The following SCARB1 variants were observed in gnomAD, a reference collection of about 807,000 sequenced individuals.
SCARB1 encodes CD36 and LIMPII analogous 1.
SCARB1 carries 30 observed loss-of-function variants against 57.2 expected under a neutral mutation model. The observed-to-expected ratio is 0.52, with a 90% CI of 0.39 to 0.71. The LOEUF is 0.71. Among genes scored for constraint, SCARB1 ranks in the 30% least tolerant of loss-of-function variants. SCARB1 has a pLI of 0.00. For missense variants in SCARB1, 543 were observed against 671.2 expected (o/e 0.81, Z 2.11); for synonymous variants, 249 against 268.3 (o/e 0.93, Z 0.70).
chr12:124,840,142 G>A (rs1398623466), intron 1 of SCARB1, among the ~76,000 whole-genome samples: 1 of 151,946 alleles, frequency 6.6e-6, no homozygotes, highest in Non-Finnish European at 1.5e-5. Context: ...AACGATGAGC[G>A]AGTGTCGCTG....
chr12:124,795,391 C>CT, intron 8 of SCARB1, 123 bp from the exon 9 acceptor site: 1 of 748,620 alleles, frequency 1.3e-6, no homozygotes, highest in Non-Finnish European at 2.4e-6. Context: ...GTGGAGCTTG[C>CT]TTGTATCTTA....
intron 11 of SCARB1, chr12:124,785,661 G>A (rs551312941): frequency 3.2e-4 from 60 of 186,904 alleles, no homozygotes; most frequent in African/African-American, 1.3e-3. Context: ...CACATGTATC[G>A]TACACACAGG....
rs1950367653 is a variant in SCARB1, at chr12:124,807,685, G to A, written c.1009+76C>T. ...ACAGAGGCCAGAGATTAAGCAGACA[G>A]CACTGGGCAGATAAACCCTCAGCTG... On this transcript the variant is annotated intron_variant, in intron 7 of 12. Transcript: ENST00000261693. This position sits in a 1 kb window ranked among gnomAD's most constrained non-coding sequence, Gnocchi z 5.3. 7.2e-7 allele frequency: 1 copy of A among 1,391,056 alleles called. No homozygotes were observed. Among genetic ancestry groups the A allele is most frequent in the Non-Finnish European group, 1.0e-6 (1 of 985,496 alleles). 86.2% of individuals were successfully genotyped at this position (1,391,056 alleles called of 1,614,324 possible).
rs1239713067 is a variant in SCARB1, at chr12:124,796,494, T to G, written c.1129-1226A>C. Among the ~76,000 whole-genome samples the G allele has an allele frequency of 6.6e-6, 1 of 151,988 alleles. No individual in the cohort carries two copies. The highest frequency in any genetic ancestry group is 1.5e-5 in the Non-Finnish European group (1 of 68,004). On this transcript the variant is annotated intron_variant, in intron 8 of 12. Transcript: ENST00000261693. The surrounding 1 kb of genome is among the most constrained non-coding windows in gnomAD (Gnocchi z 4.0). ...CCAGAATGAAGTCAGGAAATGATAG[T>G]GGAAATAAAACTAGATTTGAGGTCA...
intron 1 of SCARB1, among the ~76,000 whole-genome samples, chr12:124,848,248 T>C (rs1281476653): frequency 2.0e-5 from 3 of 152,158 alleles, no homozygotes; most frequent in Non-Finnish European, 4.4e-5. Flanking sequence ...CATGCCTGGC[T>C]AATTTTTTTA....
At position 124,795,223 on chromosome 12, in the gene SCARB1, G is replaced by T. The variant is rs755969350; in HGVS notation, c.1174C>A (p.Leu392Ile). The change falls in exon 9 of 13, where the codon CTC (leucine) becomes ATC (isoleucine). Residue 392 changes from leucine to isoleucine, a missense_variant. Coordinates refer to ENST00000261693, the MANE Select transcript of SCARB1 (RefSeq NM_005505.5). Reference sequence around the variant, plus strand: ...ATGCCTGCGACAGATTTCATGTAGAGGCTCAGCTGCAGTTTCACAGAGCAG... The same window carrying T: ...ATGCCTGCGACAGATTTCATGTAGATGCTCAGCTGCAGTTTCACAGAGCAG... The part of the protein sequence containing the change: ...MNCSVKLQLS[L>I]YMKSVAGIGQ... 16 of 1,614,008 alleles carry T rather than the reference G, an allele frequency of 9.9e-6. No individual in the cohort carries two copies. In the South Asian group the frequency reaches 1.1e-4, roughly 11 times the overall value.
At position 124,795,251 on chromosome 12, in the gene SCARB1, CATGGGGATTCCCGTG is replaced by C. The variant is rs1949902381; in HGVS notation, c.1131_1145del (p.Thr378_Met382del). On this transcript the variant is annotated inframe_deletion and splice_region_variant, in exon 9 of 13. Transcript: ENST00000261693. ...TCAGCTGCAGTTTCACAGAGCAGTTCATGGGGATTCCCGTGACCTGCGGCAACAAACACAGTGAGG... is the reference window on the plus strand; with the variant it reads ...TCAGCTGCAGTTTCACAGAGCAGTTCACCTGCGGCAACAAACACAGTGAGG... The C allele has an allele frequency of 1.2e-6, 2 of 1,613,830 alleles. No homozygotes were observed. The highest frequency in any genetic ancestry group is 1.3e-5 in the African/African-American group (1 of 74,910).
intron 1 of SCARB1, among the ~76,000 whole-genome samples, chr12:124,845,108 C>T (rs895763509): frequency 4.6e-5 from 7 of 151,988 alleles, no homozygotes; most frequent in Non-Finnish European, 8.8e-5. Flanking sequence ...GGCTGAAGAG[C>T]GAGAGGGGTG....
In SCARB1 at chr12:124,812,096, C is replaced by A. The variant is rs1825543885; in HGVS notation, c.631-131G>T. 2.7e-6 allele frequency: 2 copies of A among 729,748 alleles called. No individual in the cohort carries two copies. Among genetic ancestry groups the A allele is most frequent in the East Asian group, 2.8e-5 (1 of 36,350 alleles). 45.2% of individuals were successfully genotyped at this position (729,748 alleles called of 1,614,324 possible). Reference sequence around the variant, plus strand: ...AGGGCCCCCAGCATCTGGTTCACTGCCAAATGCCCAGTGTCTGGGGACCGA... The same window carrying A: ...AGGGCCCCCAGCATCTGGTTCACTGACAAATGCCCAGTGTCTGGGGACCGA... On this transcript the variant is annotated intron_variant, in intron 4 of 12. Coordinates refer to ENST00000261693, the MANE Select transcript of SCARB1 (RefSeq NM_005505.5). The surrounding 1 kb of genome is among the most constrained non-coding windows in gnomAD (Gnocchi z 4.3).
chr12:124,838,639 C>T (rs1951786478), intron 1 of SCARB1, among the ~76,000 whole-genome samples: 1 of 152,050 alleles, frequency 6.6e-6, no homozygotes, highest in South Asian at 2.1e-4. Context: ...CAGGCTGGGC[C>T]GTCTGGTCTA....
At position 124,812,815 on chromosome 12, in the gene SCARB1, G is replaced by A. The variant is rs528934889; in HGVS notation, c.631-850C>T. Among the ~76,000 whole-genome samples the A allele has an allele frequency of 1.3e-5, 2 of 152,242 alleles. No individual in the cohort carries two copies. Among genetic ancestry groups the A allele is most frequent in the African/African-American group, 2.4e-5 (1 of 41,524 alleles). ...GCACAAGGCCCCAGCCCAGCATCCC[G>A]GGTGTGTCTGTCACGTGCCCATGTG... On this transcript the variant is annotated intron_variant, in intron 4 of 12. Coordinates refer to ENST00000261693, the MANE Select transcript of SCARB1 (RefSeq NM_005505.5). The surrounding 1 kb of genome is among the most constrained non-coding windows in gnomAD (Gnocchi z 4.3).
Position 124,814,474 on chromosome 12 carries a change from G to T in SCARB1, c.427-69C>A, listed in dbSNP as rs1950627105. On this transcript the variant is annotated intron_variant, in intron 3 of 12. Coordinates refer to ENST00000261693, the MANE Select transcript of SCARB1 (RefSeq NM_005505.5). This position sits in a 1 kb window ranked among gnomAD's most constrained non-coding sequence, Gnocchi z 4.7. Reference sequence around the variant, plus strand: ...GGCCCATCCTCCCTTGGCCCCAGCTGGGCCTCACAGCAAAGAGCCCATGAA... The same window carrying T: ...GGCCCATCCTCCCTTGGCCCCAGCTTGGCCTCACAGCAAAGAGCCCATGAA... The T allele has an allele frequency of 6.6e-7, 1 of 1,514,792 alleles. No individual in the cohort carries two copies. Among genetic ancestry groups the T allele is most frequent in the South Asian group, 1.1e-5 (1 of 88,320 alleles). The allele number at this position is 1,514,792 out of a possible 1,614,324, so 93.8% of individuals were successfully genotyped here. A position where few individuals can be genotyped will look rare whatever the true frequency, so the allele number is the denominator to read the frequency against.
rs1442301527 is a variant in SCARB1, at chr12:124,817,126, ATGTGTGTATG to A, written c.284+414_284+423del. ...TGTGTATGTACGTGTGTATGTATGT[ATGTGTGTATG>A]TGTATGTGTATGTGTGTGTATGTAT... is the stretch of plus-strand genomic sequence containing the variant. On this transcript the variant is annotated intron_variant, in intron 2 of 12. Transcript: ENST00000261693. The surrounding 1 kb of genome is among the most constrained non-coding windows in gnomAD (Gnocchi z 4.8). 3.7e-5 allele frequency among the ~76,000 whole-genome samples: 4 copies of A among 108,408 alleles called. No homozygotes were observed. Among genetic ancestry groups the A allele is most frequent in the South Asian group, 2.9e-4 (1 of 3,414 alleles). The allele number at this position is 108,408 out of a possible 152,430, so 71.1% of individuals were successfully genotyped here.
chr12:124,839,124 C>A, intron 1 of SCARB1: 1 of 415,232 alleles, frequency 2.4e-6, no homozygotes. Flanking sequence ...AGGACATTTG[C>A]AATGTTGTGC....
intron 1 of SCARB1, among the ~76,000 whole-genome samples, chr12:124,853,881 C>A (rs1952527914): frequency 6.6e-6 from 1 of 152,208 alleles, no homozygotes; most frequent in African/African-American, 2.4e-5. Context: ...CTGCACAGGA[C>A]CACAACCTGC....
chr12:124,817,418 C>T lies in SCARB1; in HGVS notation c.284+132G>A, dbSNP rs531276665. The T allele has an allele frequency of 2.8e-5, 24 of 864,724 alleles. No homozygotes were observed. Among genetic ancestry groups the T allele is most frequent in the African/African-American group, 1.3e-4 (8 of 59,394 alleles). 53.6% of individuals were successfully genotyped at this position (864,724 alleles called of 1,614,324 possible). On this transcript the variant is annotated intron_variant, in intron 2 of 12. Coordinates refer to ENST00000261693, the MANE Select transcript of SCARB1 (RefSeq NM_005505.5). The surrounding 1 kb of genome is among the most constrained non-coding windows in gnomAD (Gnocchi z 4.8). ...ACTTCTCTGGGACTAGCACTTACCC[C>T]GACTATGACTTGCCTGCTTCCGGAA...
chr12:124,851,814 C>T (rs1358247576), intron 1 of SCARB1, among the ~76,000 whole-genome samples: 1 of 151,992 alleles, frequency 6.6e-6, no homozygotes, highest in Admixed American at 6.6e-5. Flanking sequence ...ACCATGTTGG[C>T]CAGGCTGGTC....
intron 7 of SCARB1, among the ~76,000 whole-genome samples, chr12:124,801,342 C>T (rs1229808121): frequency 1.3e-5 from 2 of 152,094 alleles, no homozygotes; most frequent in African/African-American, 4.8e-5. Context: ...TTTGGGGTGA[C>T]AGAAATGTTC....
At chr12:124,792,086 C>G (rs1290689544) in intron 9 of SCARB1, among the ~76,000 whole-genome samples, 1 of 152,084 alleles carries the variant, frequency 6.6e-6, no homozygotes, top group Non-Finnish European at 1.5e-5. Context: ...GATGGGGAGA[C>G]AACAGACGGT....
Sources: allele counts gnomAD v4.1 joint callset (sites outside exome capture counted in the v4.1 genomes callset), GRCh38; gene constraint gnomAD v4.1.1; non-coding constraint Gnocchi (gnomAD v3.1); transcripts MANE v1.5; gene names NCBI Gene and HGNC (gene_info 2026-07-23, HGNC 2026-07-21).